Variants in NCAPD3 observed in about 807,000 individuals in gnomAD.
NCAPD3 encodes non-SMC condensin II complex subunit D3, also known as condensin-2 complex subunit D3.
Under a neutral mutation model 182.9 loss-of-function variants are expected in NCAPD3, and 105 were observed. The observed-to-expected ratio is 0.57, with a 90% CI of 0.49 to 0.68. The LOEUF (loss-of-function observed/expected upper bound fraction) is 0.68, where lower values mean the gene tolerates loss of function less well. NCAPD3 is among the 30% of genes least tolerant of loss of function. The pLI is 0.00. For missense variants in NCAPD3, 1,944 were observed against 1,837.0 expected (o/e 1.06, Z -1.07); for synonymous variants, 815 against 679.9 (o/e 1.20, Z -3.09).
chr11:134,153,373 G>A lies in NCAPD3; in HGVS notation c.4253-10C>T, dbSNP rs763118008. The A allele has an allele frequency of 6.2e-7, 1 of 1,613,838 alleles. No individual in the cohort carries two copies. Among genetic ancestry groups the A allele is most frequent in the South Asian group, 1.1e-5 (1 of 91,046 alleles). ...ACATCACTGATGCTCTCTGCATAAA[G>A]AGGAGACACCACTGAGTGAAAGCCG... On this transcript the variant is annotated splice_polypyrimidine_tract_variant and intron_variant, in intron 32 of 34. Transcript: ENST00000534548.
chr11:134,185,339 T>C lies in NCAPD3; in HGVS notation c.2233A>G (p.Ser745Gly). Residue 745 changes from serine to glycine, a missense_variant, in exon 17 of 35, where the codon AGC becomes GGC. This residue lies in a region of NCAPD3 where 1,803 missense variants were observed against 1,674.6 expected (regional missense o/e 1.08). Coordinates refer to ENST00000534548, the MANE Select transcript of NCAPD3 (RefSeq NM_015261.3). ...GTTAAATTAGAAGATACAAACCTGC[T>C]GATTTTCTCCCAAGATTGTATTATT... ...SRIIQSWEKISSQQNPNSNTL... is the reference protein window; with the variant it reads ...SRIIQSWEKIGSQQNPNSNTL... 6.2e-7 allele frequency: 1 copy of C among 1,602,740 alleles called. No individual in the cohort carries two copies. The highest frequency in any genetic ancestry group is 1.3e-5 in the African/African-American group (1 of 74,528).
Position 134,169,051 on chromosome 11 carries a change from G to A in NCAPD3, c.3105C>T (p.Phe1035=), listed in dbSNP as rs765047707. The part of the protein sequence containing the change: ...LIDSHPDIAS[F]GEFCLAHLLL... ...ACAGGTGAGCCAGGCAAAACTCCCC[G>A]AAGCTGCAAAGGTGAGAGAAACAAA... Residue 1035 remains phenylalanine (F), a synonymous_variant, in exon 25 of 35, where the codon TTC becomes TTT. Coordinates refer to ENST00000534548, the MANE Select transcript of NCAPD3 (RefSeq NM_015261.3). The A allele has an allele frequency of 1.4e-5, 23 of 1,613,006 alleles. No individual in the cohort carries two copies. The Middle Eastern group carries it at 4.9e-4, about 35-fold the overall frequency.
At chr11:134,167,863 G>A (rs537246344) in intron 27 of NCAPD3, 133 bp downstream of exon 27, 10 of 860,882 alleles carry the variant, frequency 1.2e-5, no homozygotes, top group East Asian at 7.6e-5. Context: ...CAGCACACTC[G>A]TGAGATGAGC....
intron 24 of NCAPD3, among the ~76,000 whole-genome samples, chr11:134,170,135 GAA>G (rs1943971992): frequency 6.6e-6 from 1 of 152,192 alleles, no homozygotes; most frequent in East Asian, 1.9e-4. Flanking sequence ...AATCATGATG[GAA>G]GTAAGCCCAG....
In NCAPD3 at chr11:134,151,371, A is replaced by C. The variant is rs1565509827; in HGVS notation, c.*1573T>G. ...TTCCCTCCATCATTGCCACCTTGGTAGAGAGGGATGGCTCCCCACCCTCAG... is the reference window on the plus strand; with the variant it reads ...TTCCCTCCATCATTGCCACCTTGGTCGAGAGGGATGGCTCCCCACCCTCAG... On this transcript the variant is annotated 3_prime_UTR_variant, in exon 35 of 35. Coordinates refer to ENST00000534548, the MANE Select transcript of NCAPD3 (RefSeq NM_015261.3). 1 of 152,172 alleles carries C rather than the reference A, an allele frequency of 6.6e-6. No individual in the cohort carries two copies. The highest frequency in any genetic ancestry group is 1.5e-5 in the Non-Finnish European group (1 of 68,046). The allele number at this position is 152,172 out of a possible 1,614,324, so 9.4% of individuals were successfully genotyped here. A position where few individuals can be genotyped will look rare whatever the true frequency, so the allele number is the denominator to read the frequency against.
chr11:134,156,991 G>A, intron 32 of NCAPD3, 27 bp downstream of exon 32: 1 of 1,573,374 alleles, frequency 6.4e-7, no homozygotes, highest in South Asian at 1.1e-5. Flanking sequence ...CTGAGGAGAA[G>A]CCCACGTGTT....
intron 24 of NCAPD3, among the ~76,000 whole-genome samples, 190 bp from the exon 25 acceptor site, chr11:134,169,244 C>T (rs1943948709): frequency 2.6e-5 from 4 of 152,232 alleles, no homozygotes; most frequent in Admixed American, 2.6e-4. Flanking sequence ...CCTTGCTCCA[C>T]AGCTTCCTTT....
upstream of NCAPD3, chr11:134,225,050 C>T (rs1365876830): frequency 6.9e-7 from 1 of 1,451,892 alleles, no homozygotes; most frequent in African/African-American, 1.4e-5. Context: ...CTCTGGCCTT[C>T]TTTACCTAGG....
At position 134,213,140 on chromosome 11, in the gene NCAPD3, CA is replaced by C. The variant is rs1362601086; in HGVS notation, c.383-2687del. On this transcript the variant is annotated intron_variant, in intron 3 of 34. Coordinates refer to ENST00000534548, the MANE Select transcript of NCAPD3 (RefSeq NM_015261.3). ...GCCAAGAGATTGCGACCAGCCTGGG[CA>C]ACAACATAGCGAGACCCTGTCTCTA... Among the ~76,000 whole-genome samples the C allele has an allele frequency of 5.9e-5, 9 of 152,194 alleles. No homozygotes were observed. In the East Asian group the frequency reaches 1.2e-3, roughly 20 times the overall value.
chr11:134,194,695 C>A lies in NCAPD3; in HGVS notation c.1659G>T (p.Glu553Asp). Reference sequence around the variant, plus strand: ...GTGCAGACTTCCTAACGTTGGTCTTCTCATCCCTGATCCTCCTTCTCAGCA... The same window carrying A: ...GTGCAGACTTCCTAACGTTGGTCTTATCATCCCTGATCCTCCTTCTCAGCA... ...MAMLRRRIRD[E>D]KTNVRKSALQ... Residue 553 changes from glutamate (E) to aspartate (D), a missense_variant, in exon 14 of 35, where the codon GAG becomes GAT. Physicochemically the swap from Glu to Asp is conservative, Grantham distance 45. Around this residue, in one of 3 missense-constraint regions of NCAPD3, gnomAD observed 1,803 missense variants for 1,674.6 expected, o/e 1.08. Transcript: ENST00000534548. The A allele has an allele frequency of 1.2e-6, 2 of 1,609,666 alleles. No individual in the cohort carries two copies. Among genetic ancestry groups the A allele is most frequent in the Non-Finnish European group, 1.7e-6 (2 of 1,177,906 alleles).
chr11:134,158,447 G>A lies in NCAPD3; in HGVS notation c.3916C>T (p.Pro1306Ser). 1 of 1,614,142 alleles carries A rather than the reference G, an allele frequency of 6.2e-7. No individual in the cohort carries two copies. Among genetic ancestry groups the A allele is most frequent in the Non-Finnish European group, 8.5e-7 (1 of 1,180,036 alleles). The change falls in exon 30 of 35, where the codon CCT becomes TCT. Residue 1306 changes from proline to serine, a missense_variant. Coordinates refer to ENST00000534548, the MANE Select transcript of NCAPD3 (RefSeq NM_015261.3). The part of the protein sequence containing the change: ...TVPVPAGQEN[P>S]AMSPAVSQPC... ...TGGCTCACGGCAGGTGACATGGCAG[G>A]GTTTTCTTGGCCAGCAGGAACTGGC...
At chr11:134,170,646 G>A (rs1336173338) in intron 24 of NCAPD3, among the ~76,000 whole-genome samples, 4 of 152,218 alleles carry the variant, frequency 2.6e-5, no homozygotes, top group East Asian at 1.9e-4. Context: ...AATGCCAATC[G>A]ACTCAGTTTA....
chr11:134,154,635 G>GCAGC (rs1333600798), intron 32 of NCAPD3, among the ~76,000 whole-genome samples: 2 of 140,004 alleles, frequency 1.4e-5, no homozygotes, highest in African/African-American at 5.6e-5. Flanking sequence ...CCTGGGTGGT[G>GCAGC]CTGTACCCAG....
At chr11:134,171,812 C>T (rs774721415) in intron 24 of NCAPD3, among the ~76,000 whole-genome samples, 2 of 152,108 alleles carry the variant, frequency 1.3e-5, no homozygotes, top group Admixed American at 1.3e-4. Flanking sequence ...AAATGTGGGC[C>T]GGCTGTCCTC....
intron 33 of NCAPD3, 39 bp from the exon 34 acceptor site, chr11:134,153,239 A>T (rs1591815625): frequency 6.2e-7 from 1 of 1,613,878 alleles, no homozygotes; most frequent in East Asian, 2.2e-5. Flanking sequence ...GCTTTCCCAG[A>T]ACCTCAAAGG....
chr11:134,162,034 G>A (rs1389831436), intron 27 of NCAPD3, 143 bp from the exon 28 acceptor site: 7 of 556,704 alleles, frequency 1.3e-5, no homozygotes, highest in East Asian at 3.1e-5. Flanking sequence ...GGATGTAGAG[G>A]ACCTCTGCTT....
intron 22 of NCAPD3, chr11:134,178,388 A>G: frequency 3.0e-6 from 1 of 337,974 alleles, no homozygotes; most frequent in Non-Finnish European, 5.3e-6. Context: ...GAAAAACAAA[A>G]GCTCCCTCTA....
chr11:134,159,343 G>A (rs1326289024), intron 29 of NCAPD3, among the ~76,000 whole-genome samples: 3 of 152,300 alleles, frequency 2.0e-5, no homozygotes, highest in South Asian at 2.1e-4. Context: ...CACGTACTAT[G>A]AGCAAGTCCA....
At chr11:134,179,285 T>C (rs777303970) in intron 20 of NCAPD3, among the ~76,000 whole-genome samples, 2 of 152,242 alleles carry the variant, frequency 1.3e-5, no homozygotes, top group African/African-American at 2.4e-5. Context: ...GACACCATTA[T>C]TGTTTTTGTG....
Sources: allele counts gnomAD v4.1 joint callset (sites outside exome capture counted in the v4.1 genomes callset), GRCh38; gene constraint gnomAD v4.1.1; regional missense constraint gnomAD v4.1.1; transcripts MANE v1.5; gene names NCBI Gene and HGNC (gene_info 2026-07-23, HGNC 2026-07-21).